The following GTF2E2 variants were observed in gnomAD, a reference collection of about 807,000 sequenced individuals.
GTF2E2 encodes the protein transcription initiation factor IIE subunit beta.
A neutral mutation model predicts 40.5 loss-of-function variants in GTF2E2; 21 were observed. The ratio of observed to expected loss-of-function variants is 0.52; its 90% CI spans 0.37 to 0.75. The LOEUF is 0.75. GTF2E2 is among the 30% of genes least tolerant of loss of function. The pLI, the probability that GTF2E2 is intolerant of heterozygous loss-of-function variation, is 0.00. For synonymous variants in GTF2E2, 117 were observed against 121.6 expected, an observed-to-expected ratio of 0.96 and a Z score of 0.25; for missense variants, 298 against 338.4, an observed-to-expected ratio of 0.88 and a Z score of 0.94.
At chr8:30,620,646 T>C (rs550725048) in intron 3 of GTF2E2, among the ~76,000 whole-genome samples, 1 of 151,860 alleles carries the variant, frequency 6.6e-6, no homozygotes, top group Non-Finnish European at 1.5e-5. Flanking sequence ...TTAGCCGAGC[T>C]GGGCACGGTG....
chr8:30,649,908 C>T (rs1421442226), intron 2 of GTF2E2, among the ~76,000 whole-genome samples: 1 of 152,038 alleles, frequency 6.6e-6, no homozygotes, highest in Non-Finnish European at 1.5e-5. Context: ...CCAAAAGTAA[C>T]TCAAAAAGAA....
chr8:30,641,544 G>GAGAC (rs1205489497), intron 2 of GTF2E2, among the ~76,000 whole-genome samples: 5 of 152,076 alleles, frequency 3.3e-5, no homozygotes, highest in Non-Finnish European at 5.9e-5. Flanking sequence ...TATTTTTGTA[G>GAGAC]AGACAGGGCC....
intron 2 of GTF2E2, chr8:30,643,738 G>T (rs547430441): frequency 1.3e-5 from 2 of 148,746 alleles, no homozygotes; most frequent in East Asian, 3.9e-4. Flanking sequence ...TTTTACTAAA[G>T]ATTTCTTCAG....
intron 3 of GTF2E2, among the ~76,000 whole-genome samples, chr8:30,622,987 C>T (rs1357409869): frequency 6.6e-6 from 1 of 152,046 alleles, no homozygotes; most frequent in Non-Finnish European, 1.5e-5. Context: ...AAGCGACATA[C>T]ATCCTCCTCA....
At chr8:30,607,003 C>A in intron 6 of GTF2E2, 54 bp downstream of exon 6, 1 of 635,684 alleles carries the variant, frequency 1.6e-6, no homozygotes, top group Non-Finnish European at 2.8e-6. Flanking sequence ...TTAATTTTAC[C>A]ACCCTAAAAT....
chr8:30,622,561 G>C (rs762802623), intron 3 of GTF2E2, among the ~76,000 whole-genome samples: 2 of 151,984 alleles, frequency 1.3e-5, no homozygotes, highest in Non-Finnish European at 2.9e-5. Flanking sequence ...CAGGAGACAG[G>C]GTTTTGAGAG....
chr8:30,646,836 C>T (rs535465398), intron 2 of GTF2E2, among the ~76,000 whole-genome samples: 4 of 151,730 alleles, frequency 2.6e-5, no homozygotes, highest in East Asian at 3.9e-4. Flanking sequence ...AAAAGTTAGC[C>T]GGGCATGGTG....
At position 30,635,130 on chromosome 8, in the gene GTF2E2, A is replaced by T; in HGVS notation, c.167-7T>A. 6.6e-7 allele frequency: 1 copy of T among 1,511,300 alleles called. No homozygotes were observed. Among genetic ancestry groups the T allele is most frequent in the Non-Finnish European group, 9.2e-7 (1 of 1,089,878 alleles). 93.6% of individuals were successfully genotyped at this position (1,511,300 alleles called of 1,614,324 possible). On this transcript the variant is annotated splice_region_variant and splice_polypyrimidine_tract_variant and intron_variant, in intron 2 of 7. Coordinates refer to ENST00000355904, the MANE Select transcript of GTF2E2 (RefSeq NM_002095.6). Reference sequence around the variant, plus strand: ...AATGATCCATTGCTATGATCTGCAAATGAAGTTCAAAATAACATCGTCATA... The same window carrying T: ...AATGATCCATTGCTATGATCTGCAATTGAAGTTCAAAATAACATCGTCATA...
intron 2 of GTF2E2, among the ~76,000 whole-genome samples, chr8:30,652,802 A>G (rs1302035728): frequency 6.6e-6 from 1 of 152,240 alleles, no homozygotes; most frequent in Non-Finnish European, 1.5e-5. Flanking sequence ...AAGTGAAAAT[A>G]ATCCAAATAA....
intron 2 of GTF2E2, among the ~76,000 whole-genome samples, chr8:30,651,201 G>C (rs965736561): frequency 6.6e-6 from 1 of 151,904 alleles, no homozygotes; most frequent in African/African-American, 2.4e-5. Flanking sequence ...GTCCAGACAG[G>C]CAAGATAAAT....
chr8:30,644,090 A>C (rs1487323359), intron 2 of GTF2E2, among the ~76,000 whole-genome samples: 1 of 152,230 alleles, frequency 6.6e-6, no homozygotes, highest in Admixed American at 6.5e-5. Context: ...TTTAAAACTA[A>C]ATGTTAAAAT....
At chr8:30,638,709 T>C (rs1801696028) in intron 2 of GTF2E2, 1 of 152,612 alleles carries the variant, frequency 6.6e-6, no homozygotes, top group Admixed American at 6.5e-5. Context: ...TATTTTACCC[T>C]GAAAAATCAA....
intron 2 of GTF2E2, among the ~76,000 whole-genome samples, chr8:30,638,195 A>G (rs1801677702): frequency 1.3e-5 from 2 of 152,222 alleles, no homozygotes; most frequent in African/African-American, 4.8e-5. Context: ...GAAGAACAAG[A>G]AAAATTTATA....
At chr8:30,623,026 GAC>G (rs1231422457) in intron 3 of GTF2E2, among the ~76,000 whole-genome samples, 1 of 152,106 alleles carries the variant, frequency 6.6e-6, no homozygotes, top group Admixed American at 6.5e-5. Flanking sequence ...TTAAAGTAAA[GAC>G]AGGCATAGGA....
chr8:30,597,836 T>C (rs1432122948), intron 6 of GTF2E2, among the ~76,000 whole-genome samples: 2 of 152,234 alleles, frequency 1.3e-5, no homozygotes, highest in Non-Finnish European at 1.5e-5. Flanking sequence ...TTGCTCACTA[T>C]AGGCATATAT....
chr8:30,626,478 T>C lies in GTF2E2; in HGVS notation c.258+8554A>G, dbSNP rs371123182. Reference sequence around the variant, plus strand: ...CCATCCTGATGACAGAGCGAGACTCTGTCTCAAAAAAGAAAAAAGAAGTAA... The same window carrying C: ...CCATCCTGATGACAGAGCGAGACTCCGTCTCAAAAAAGAAAAAAGAAGTAA... On this transcript the variant is annotated intron_variant, in intron 3 of 7. Coordinates refer to ENST00000355904, the MANE Select transcript of GTF2E2 (RefSeq NM_002095.6). Among the ~76,000 whole-genome samples the C allele has an allele frequency of 3.4e-4, 52 of 152,310 alleles. No individual in the cohort carries two copies. The South Asian group carries it at 6.4e-3, about 19-fold the overall frequency.
At chr8:30,585,601 T>G (rs943310061) in intron 6 of GTF2E2, among the ~76,000 whole-genome samples, 15 of 152,066 alleles carry the variant, frequency 9.9e-5, no homozygotes, top group African/African-American at 3.4e-4. Context: ...ACAAAGGTTT[T>G]ATTAATAATA....
chr8:30,653,391 A>G lies in GTF2E2; in HGVS notation c.166+42T>C, dbSNP rs1802349113. 2.7e-6 allele frequency: 4 copies of G among 1,499,360 alleles called. No individual in the cohort carries two copies. In the East Asian group the frequency reaches 6.8e-5, roughly 25 times the overall value. The allele number at this position is 1,499,360 out of a possible 1,614,324, so 92.9% of individuals were successfully genotyped here. A position where few individuals can be genotyped will look rare whatever the true frequency, so the allele number is the denominator to read the frequency against. The stretch of plus-strand genomic sequence containing the variant: ...ATAACTAAACGGTTTCCTCCTGAAT[A>G]ATCTGAATAAAAACCAAACAGTCCT... On this transcript the variant is annotated intron_variant, in intron 2 of 7. Transcript: ENST00000355904.
intron 6 of GTF2E2, among the ~76,000 whole-genome samples, chr8:30,598,910 G>A (rs1285750510): frequency 1.3e-5 from 2 of 152,218 alleles, no homozygotes; most frequent in Admixed American, 6.5e-5. Context: ...AGTAATCCCT[G>A]CACTTTGGGA....
Sources: gnomAD v4.1 joint callset for allele counts (sites outside exome capture counted in the v4.1 genomes callset) on GRCh38, gnomAD v4.1.1 for gene constraint, MANE v1.5 for transcripts, NCBI Gene and HGNC (gene_info 2026-07-23, HGNC 2026-07-21) for gene names.